Variants in ZNF521 observed in about 807,000 individuals in gnomAD.
The protein encoded by ZNF521 is LYST-interacting protein 3.
ZNF521 carries 14 observed loss-of-function variants against 105.5 expected under a neutral mutation model. The ratio of observed to expected loss-of-function variants is 0.13; its 90% CI spans 0.09 to 0.21. The LOEUF is 0.21. Ranked by LOEUF, ZNF521 falls within the 10% of genes least tolerant of loss-of-function variation. The pLI is 1.00. For synonymous variants in ZNF521, 635 were observed against 606.0 expected, an observed-to-expected ratio of 1.05 and a Z score of -0.70; for missense variants, 1,233 against 1,629.7, an observed-to-expected ratio of 0.76 and a Z score of 4.19.
intron 3 of ZNF521, among the ~76,000 whole-genome samples, chr18:25,254,533 G>C (rs1397872769): frequency 1.3e-5 from 2 of 152,112 alleles, no homozygotes; most frequent in Admixed American, 1.3e-4. Flanking sequence ...ATTTGTGGTT[G>C]TGGCTGATTT....
At chr18:25,217,954 C>T (rs971724631) in intron 4 of ZNF521, among the ~76,000 whole-genome samples, 1 of 152,030 alleles carries the variant, frequency 6.6e-6, no homozygotes, top group Non-Finnish European at 1.5e-5. Context: ...GGAAGACAGT[C>T]AAGAGGAGAG....
intron 5 of ZNF521, among the ~76,000 whole-genome samples, chr18:25,145,167 T>C (rs1294665739): frequency 6.6e-6 from 1 of 152,194 alleles, no homozygotes; most frequent in East Asian, 1.9e-4. Context: ...GGTTTCAATA[T>C]CATGCAGGGC....
chr18:25,150,089 AG>A (rs1444280997), intron 5 of ZNF521, among the ~76,000 whole-genome samples: 6 of 152,350 alleles, frequency 3.9e-5, no homozygotes, highest in Admixed American at 3.9e-4. Context: ...AAATGAGTAC[AG>A]GTTAATAAAA....
rs144182672 is a variant in ZNF521 at position 25,099,136 on chromosome 18, C to T, written c.3659-7055G>A. On this transcript the variant is annotated intron_variant, in intron 5 of 7. Coordinates refer to ENST00000361524, the MANE Select transcript of ZNF521 (RefSeq NM_015461.3). ...TTTGTCTGTTTTGCTCATTGATGTACACGAAGTACCTAGAACAGTACATGG... is the reference window on the plus strand; with the variant it reads ...TTTGTCTGTTTTGCTCATTGATGTATACGAAGTACCTAGAACAGTACATGG... Among the ~76,000 whole-genome samples, 119 of 152,248 alleles carry T rather than the reference C, an allele frequency of 7.8e-4. No individual in the cohort carries two copies. In the East Asian group the frequency reaches 0.019, roughly 24 times the overall value.
At chr18:25,303,082 T>A (rs1911732250) in intron 3 of ZNF521, 1 of 152,008 alleles carries the variant, frequency 6.6e-6, no homozygotes, top group Non-Finnish European at 1.5e-5. Context: ...TTTCCTAACC[T>A]CCAACAGGAC....
chr18:25,245,131 C>A (rs1439415478), intron 3 of ZNF521, among the ~76,000 whole-genome samples: 1 of 152,174 alleles, frequency 6.6e-6, no homozygotes, highest in Non-Finnish European at 1.5e-5. Flanking sequence ...GGTTGTTTAG[C>A]CTCAGCATTC....
intron 5 of ZNF521, among the ~76,000 whole-genome samples, chr18:25,173,246 G>T (rs1368603885): frequency 1.3e-5 from 2 of 152,190 alleles, no homozygotes; most frequent in Admixed American, 6.5e-5. Flanking sequence ...CTGATGGAAC[G>T]CAGAGGTTAA....
chr18:25,152,185 A>G (rs1600096377), intron 5 of ZNF521, among the ~76,000 whole-genome samples: 1 of 152,308 alleles, frequency 6.6e-6, no homozygotes, highest in African/African-American at 2.4e-5. Flanking sequence ...CAATTTAGAA[A>G]ACTATCCTCT....
intron 5 of ZNF521, among the ~76,000 whole-genome samples, chr18:25,120,899 TG>T (rs981543779): frequency 4.7e-4 from 71 of 152,164 alleles, no homozygotes; most frequent in African/African-American, 1.6e-3. Flanking sequence ...ACACTGGCAG[TG>T]GGGGCAACAC....
chr18:25,185,735 A>G (rs1301474285), intron 5 of ZNF521, among the ~76,000 whole-genome samples: 2 of 152,180 alleles, frequency 1.3e-5, no homozygotes, highest in Non-Finnish European at 2.9e-5. Flanking sequence ...GACCTGTAAA[A>G]AAAATAAATA....
chr18:25,179,163 G>A (rs2035587189), intron 5 of ZNF521, among the ~76,000 whole-genome samples: 1 of 66,102 alleles, frequency 1.5e-5, no homozygotes, highest in Non-Finnish European at 2.8e-5. Flanking sequence ...TTTTTTGGTG[G>A]TGGTGGCAGG....
intron 6 of ZNF521, among the ~76,000 whole-genome samples, chr18:25,091,365 T>C (rs2033741687): frequency 6.6e-6 from 1 of 152,184 alleles, no homozygotes; most frequent in African/African-American, 2.4e-5. Flanking sequence ...TGTAATGCTA[T>C]CGTATCTGTT....
intron 4 of ZNF521, among the ~76,000 whole-genome samples, chr18:25,222,329 G>A (rs1490384252): frequency 2.0e-5 from 3 of 152,118 alleles, no homozygotes; most frequent in South Asian, 2.1e-4. Context: ...TCTCCTCATC[G>A]AGTAATTCTA....
chr18:25,104,391 C>T (rs894683443), intron 5 of ZNF521, among the ~76,000 whole-genome samples: 1 of 152,132 alleles, frequency 6.6e-6, no homozygotes, highest in Non-Finnish European at 1.5e-5. Flanking sequence ...ATACAATAAG[C>T]ACAGAATTCC....
chr18:25,160,827 ATG>A (rs1347524672), intron 5 of ZNF521, among the ~76,000 whole-genome samples: 1 of 152,026 alleles, frequency 6.6e-6, no homozygotes, highest in Non-Finnish European at 1.5e-5. Context: ...GTGTGTGTAT[ATG>A]TGTGTGTTTT....
intron 3 of ZNF521, among the ~76,000 whole-genome samples, chr18:25,310,668 C>A (rs553528881): frequency 1.4e-4 from 22 of 152,106 alleles, no homozygotes; most frequent in Non-Finnish European, 2.4e-4. Context: ...TATCTTTGGT[C>A]CTATTGGGTT....
intron 7 of ZNF521, among the ~76,000 whole-genome samples, chr18:25,065,224 C>T (rs922516944): frequency 9.2e-5 from 14 of 151,978 alleles, no homozygotes; most frequent in East Asian, 5.8e-4. Context: ...CAAGAAGATA[C>T]GATAATACAG....
At chr18:25,149,657 T>C (rs908313909) in intron 5 of ZNF521, among the ~76,000 whole-genome samples, 1 of 152,214 alleles carries the variant, frequency 6.6e-6, no homozygotes, top group Non-Finnish European at 1.5e-5. Flanking sequence ...GAGAATGCTA[T>C]AAATTTTGTA....
In ZNF521 at chr18:25,225,464, G is replaced by A. The variant is rs758877072; in HGVS notation, c.2454C>T (p.Phe818=). The A allele has an allele frequency of 6.2e-7, 1 of 1,614,192 alleles. No homozygotes were observed. Among genetic ancestry groups the A allele is most frequent in the East Asian group, 2.2e-5 (1 of 44,882 alleles). Residue 818 remains phenylalanine, a synonymous_variant, in exon 4 of 8, where the codon TTC becomes TTT. Transcript: ENST00000361524. The surrounding 1 kb of genome is among the most constrained non-coding windows in gnomAD (Gnocchi z 5.6). ...KYNCKFCSKA[F]HAIILLEKHL... ...GTTTTTCTAACAAAATGATCGCATG[G>A]AAGGCTTTGCTACAGAACTTGCAGT...
Sources: allele counts gnomAD v4.1 joint callset (sites outside exome capture counted in the v4.1 genomes callset), GRCh38; gene constraint gnomAD v4.1.1; non-coding constraint Gnocchi (gnomAD v3.1); transcripts MANE v1.5; gene names NCBI Gene and HGNC (gene_info 2026-07-23, HGNC 2026-07-21).